Variants in DACH1 observed in about 807,000 individuals in gnomAD.
DACH1 encodes the protein dachshund homolog 1.
Under a neutral mutation model 54.2 loss-of-function variants are expected in DACH1, and 12 were observed. That is an observed-to-expected ratio of 0.22 (90% CI 0.14 to 0.36). The LOEUF (loss-of-function observed/expected upper bound fraction) is 0.36. Ranked by LOEUF, DACH1 falls within the 10% of genes least tolerant of loss-of-function variation. DACH1 has a pLI of 1.00. For synonymous variants in DACH1, 386 were observed against 366.2 expected (o/e 1.05, Z -0.62); for missense variants, 805 against 929.8 (o/e 0.87, Z 1.75).
chr13:71,453,511 A>G lies in DACH1; in HGVS notation c.2084-12819T>C, dbSNP rs529482254. Among the ~76,000 whole-genome samples the G allele has an allele frequency of 5.9e-5, 9 of 152,278 alleles. No individual in the cohort carries two copies. The South Asian group carries it at 1.2e-3, about 21-fold the overall frequency. ...AAATTTATGTGTTATCTCTAAGAAA[A>G]AAACCAGAGGTGGCAATTAGAAGGG... is the stretch of plus-strand genomic sequence containing the variant. On this transcript the variant is annotated intron_variant, in intron 10 of 10. Transcript: ENST00000613252.
At chr13:71,784,904 G>A (rs1479060564) in intron 1 of DACH1, among the ~76,000 whole-genome samples, 1 of 152,096 alleles carries the variant, frequency 6.6e-6, no homozygotes, top group East Asian at 1.9e-4. Context: ...GCAATGTATG[G>A]ATCCTAATTG....
chr13:71,853,715 A>C (rs578074505), intron 1 of DACH1, among the ~76,000 whole-genome samples: 1 of 152,168 alleles, frequency 6.6e-6, no homozygotes, highest in Non-Finnish European at 1.5e-5. Flanking sequence ...GTTTAAATGC[A>C]CTATTCTTTT....
At chr13:71,680,319 T>C (rs1880821868) in intron 2 of DACH1, among the ~76,000 whole-genome samples, 2 of 152,220 alleles carry the variant, frequency 1.3e-5, no homozygotes, top group Non-Finnish European at 1.5e-5. Flanking sequence ...AAACCTTTGG[T>C]GGCTGGGTAT....
chr13:71,620,365 A>G (rs1216176584), intron 3 of DACH1, among the ~76,000 whole-genome samples: 1 of 152,022 alleles, frequency 6.6e-6, no homozygotes, highest in Admixed American at 6.6e-5. Flanking sequence ...TAAATAATAA[A>G]GACTATTTCT....
chr13:71,829,441 A>G (rs1206791612), intron 1 of DACH1, among the ~76,000 whole-genome samples: 1 of 152,154 alleles, frequency 6.6e-6, no homozygotes, highest in African/African-American at 2.4e-5. Flanking sequence ...CAAGAAAGTC[A>G]CTGCAACTAA....
intron 3 of DACH1, among the ~76,000 whole-genome samples, chr13:71,608,779 T>C (rs1875083121): frequency 6.6e-6 from 1 of 152,122 alleles, no homozygotes; most frequent in Non-Finnish European, 1.5e-5. Context: ...TTTATAATAA[T>C]TATTTCATGC....
chr13:71,839,523 T>C (rs1256035526), intron 1 of DACH1, among the ~76,000 whole-genome samples: 2 of 152,012 alleles, frequency 1.3e-5, no homozygotes, highest in Non-Finnish European at 2.9e-5. Flanking sequence ...AGGAGAATGG[T>C]GTGAACTCAG....
chr13:71,579,179 T>C (rs1320050240), intron 3 of DACH1, among the ~76,000 whole-genome samples: 1 of 152,118 alleles, frequency 6.6e-6, no homozygotes, highest in Non-Finnish European at 1.5e-5. Flanking sequence ...TTTTGATATA[T>C]TTATTTTGTA....
chr13:71,599,821 A>C (rs540114351), intron 3 of DACH1, among the ~76,000 whole-genome samples: 1 of 86,138 alleles, frequency 1.2e-5, no homozygotes, highest in African/African-American at 4.6e-5. Context: ...ACACACAAAC[A>C]CATTTCTACA....
intron 1 of DACH1, among the ~76,000 whole-genome samples, chr13:71,724,472 C>T (rs939055234): frequency 1.3e-5 from 2 of 151,948 alleles, no homozygotes; most frequent in African/African-American, 2.4e-5. Flanking sequence ...TCCAACTGAC[C>T]AACAGAAATC....
chr13:71,484,101 C>G (rs770083858), intron 7 of DACH1, among the ~76,000 whole-genome samples: 4 of 152,064 alleles, frequency 2.6e-5, no homozygotes, highest in Admixed American at 1.3e-4. Flanking sequence ...TCCTAGATAC[C>G]ATGGTTGGAT....
At chr13:71,533,956 C>A (rs1036359446) in intron 6 of DACH1, among the ~76,000 whole-genome samples, 7 of 152,130 alleles carry the variant, frequency 4.6e-5, no homozygotes, top group Admixed American at 3.3e-4. Context: ...GAAGCTTGGT[C>A]AGGAAATTAG....
chr13:71,694,400 G>T (rs539110462), intron 1 of DACH1, among the ~76,000 whole-genome samples: 2 of 152,236 alleles, frequency 1.3e-5, no homozygotes, highest in African/African-American at 4.8e-5. Context: ...GATAGACAAA[G>T]GCTGTTTCCA....
intron 6 of DACH1, 79 bp downstream of exon 6, chr13:71,556,945 A>G (rs1234877467): frequency 1.4e-6 from 2 of 1,379,584 alleles, no homozygotes; most frequent in Non-Finnish European, 1.9e-6. Context: ...ATGTAGAGAT[A>G]GACTTCATTG....
intron 4 of DACH1, among the ~76,000 whole-genome samples, chr13:71,569,197 T>C (rs1450719491): frequency 2.0e-5 from 3 of 152,260 alleles, no homozygotes; most frequent in East Asian, 1.9e-4. Context: ...CTTGGTTCTA[T>C]TGTGTTTGAG....
intron 1 of DACH1, among the ~76,000 whole-genome samples, chr13:71,782,334 A>G (rs868321063): frequency 1.3e-5 from 2 of 152,000 alleles, no homozygotes; most frequent in South Asian, 4.1e-4. Flanking sequence ...CCTAGCCACT[A>G]AGGAGGCTGA....
At chr13:71,789,240 T>C (rs1886733561) in intron 1 of DACH1, among the ~76,000 whole-genome samples, 1 of 152,116 alleles carries the variant, frequency 6.6e-6, no homozygotes, top group Admixed American at 6.6e-5. Flanking sequence ...AGGAAGAAAC[T>C]AGAAGATTTA....
rs993775200 is a variant in DACH1 at position 71,867,059 on chromosome 13, G to C, written c.-290C>G. 1.3e-5 allele frequency: 3 copies of C among 231,724 alleles called. No individual in the cohort carries two copies. In the Admixed American group the frequency reaches 1.7e-4, roughly 13 times the overall value. The allele number at this position is 231,724 out of a possible 1,614,324, so 14.4% of individuals were successfully genotyped here. A position where few individuals can be genotyped will look rare whatever the true frequency, so the allele number is the denominator to read the frequency against. On this transcript the variant is annotated 5_prime_UTR_variant, in exon 1 of 11. Transcript: ENST00000613252. Reference sequence around the variant, plus strand: ...GGGGGCTGGGATCGAGGGCTGGTTTGGGGGTGGGGGTGGGGCGGGGAGGGT... The same window carrying C: ...GGGGGCTGGGATCGAGGGCTGGTTTCGGGGTGGGGGTGGGGCGGGGAGGGT...
At chr13:71,809,598 G>A (rs181599497) in intron 1 of DACH1, among the ~76,000 whole-genome samples, 2 of 152,286 alleles carry the variant, frequency 1.3e-5, no homozygotes, top group East Asian at 3.9e-4. Context: ...TTAAATGAAT[G>A]TAATTGCTGC....
Sources: allele counts gnomAD v4.1 joint callset (sites outside exome capture counted in the v4.1 genomes callset), GRCh38; gene constraint gnomAD v4.1.1; transcripts MANE v1.5; gene names NCBI Gene and HGNC (gene_info 2026-07-23, HGNC 2026-07-21).